TNIK: variants seen among roughly 807,000 people sequenced by gnomAD.
TNIK encodes TRAF2 and NCK interacting kinase.
TNIK carries 49 observed loss-of-function variants against 191.3 expected under a neutral mutation model. The observed-to-expected ratio is 0.26, with a 90% CI of 0.20 to 0.32. The LOEUF is 0.32. Among genes scored for constraint, TNIK ranks in the 10% least tolerant of loss-of-function variants. The pLI is 1.00. For synonymous variants in TNIK, 594 were observed against 600.9 expected, an observed-to-expected ratio of 0.99 and a Z score of 0.17; for missense variants, 1,155 against 1,702.3, an observed-to-expected ratio of 0.68 and a Z score of 5.66.
chr3:171,285,757 T>C (rs536216814), intron 2 of TNIK, among the ~76,000 whole-genome samples: 2 of 152,392 alleles, frequency 1.3e-5, no homozygotes, highest in African/African-American at 4.8e-5. Context: ...CAACTCTGGC[T>C]GTATATTACA....
At chr3:171,333,413 C>T (rs137863490) in intron 2 of TNIK, among the ~76,000 whole-genome samples, 11 of 151,570 alleles carry the variant, frequency 7.3e-5, no homozygotes, top group Non-Finnish European at 1.2e-4. Context: ...AAAAATTAGC[C>T]GGACGTGGTG....
Position 171,059,818 on chromosome 3 carries a change from T to C in TNIK, c.*4063A>G, listed in dbSNP as rs570638344. On this transcript the variant is annotated 3_prime_UTR_variant, in exon 33 of 33. Coordinates refer to ENST00000436636, the MANE Select transcript of TNIK (RefSeq NM_015028.4). ...GGTTGGTTGGTTATGTTTTGCTTGA[T>C]TTGGTTAGATTTAAATTTTGAAGAA... is the stretch of plus-strand genomic sequence containing the variant. 1.3e-3 allele frequency among the ~76,000 whole-genome samples: 193 copies of C among 152,266 alleles called. 1 individual carries two copies. Among genetic ancestry groups the C allele is most frequent in the African/African-American group, 4.4e-3 (182 of 41,546 alleles).
intron 16 of TNIK, among the ~76,000 whole-genome samples, chr3:171,128,176 T>C (rs1411216851): frequency 2.0e-5 from 3 of 152,168 alleles, no homozygotes; most frequent in Non-Finnish European, 2.9e-5. Context: ...TGCTGATCAG[T>C]TGGTCTGAAG....
chr3:171,388,409 T>C (rs1187479161), intron 1 of TNIK, among the ~76,000 whole-genome samples: 1 of 152,248 alleles, frequency 6.6e-6, no homozygotes, highest in Non-Finnish European at 1.5e-5. Context: ...AACTTACATA[T>C]TTTTAAAATT....
chr3:171,307,006 C>T (rs1753522389), intron 2 of TNIK, among the ~76,000 whole-genome samples: 2 of 152,126 alleles, frequency 1.3e-5, no homozygotes, highest in Admixed American at 6.6e-5. Context: ...GGCTTGTCTA[C>T]TGTGCATCTT....
intron 2 of TNIK, among the ~76,000 whole-genome samples, chr3:171,315,918 G>C (rs1399732719): frequency 6.6e-6 from 1 of 152,086 alleles, no homozygotes; most frequent in African/African-American, 2.4e-5. Flanking sequence ...CAGGTACTGG[G>C]TATTAGGACT....
chr3:171,209,741 GA>G (rs548573758), intron 4 of TNIK, among the ~76,000 whole-genome samples: 35 of 149,150 alleles, frequency 2.3e-4, no homozygotes, highest in African/African-American at 5.1e-4. Flanking sequence ...GAGCCTTATG[GA>G]AAAAAAAAAT....
chr3:171,069,151 C>T (rs1718863628), intron 29 of TNIK, among the ~76,000 whole-genome samples, 154 bp from the exon 30 acceptor site: 1 of 152,146 alleles, frequency 6.6e-6, no homozygotes, highest in Non-Finnish European at 1.5e-5. Flanking sequence ...GATATTCTGG[C>T]CCTAGGAGGA....
At chr3:171,104,621 GCT>G (rs916383633) in intron 21 of TNIK, among the ~76,000 whole-genome samples, 1 of 151,906 alleles carries the variant, frequency 6.6e-6, no homozygotes, top group Non-Finnish European at 1.5e-5. Context: ...CTAAAAAGGC[GCT>G]CTTTTAGGTC....
At position 171,118,397 on chromosome 3, in the gene TNIK, C is replaced by G. The variant is rs1013325854; in HGVS notation, c.2120+5199G>C. On this transcript the variant is annotated intron_variant, in intron 18 of 32. Transcript: ENST00000436636. ...TTTATAGATTCAATGCCATCCCCATCAAGCTACCAATGACTTTCTTCACAG... is the reference window on the plus strand; with the variant it reads ...TTTATAGATTCAATGCCATCCCCATGAAGCTACCAATGACTTTCTTCACAG... Among the ~76,000 whole-genome samples, 30 of 152,316 alleles carry G rather than the reference C, an allele frequency of 2.0e-4. 1 individual carries two copies. Among genetic ancestry groups the G allele is most frequent in the African/African-American group, 6.7e-4 (28 of 41,574 alleles).
rs143824815 is a variant in TNIK, at chr3:171,097,385, T to C, written c.2592-3417A>G. Reference sequence around the variant, plus strand: ...CAGGTTAACAAATTTGATACTACTATACAAAAATACTGGATGTGCACAATT... The same window carrying C: ...CAGGTTAACAAATTTGATACTACTACACAAAAATACTGGATGTGCACAATT... On this transcript the variant is annotated intron_variant, in intron 22 of 32. Coordinates refer to ENST00000436636, the MANE Select transcript of TNIK (RefSeq NM_015028.4). Among the ~76,000 whole-genome samples, 646 of 152,318 alleles carry C rather than the reference T, an allele frequency of 4.2e-3. 3 individuals are homozygous for C. Among genetic ancestry groups the C allele is most frequent in the Non-Finnish European group, 6.7e-3 (456 of 68,024 alleles).
At chr3:171,338,662 T>G (rs1187933773) in intron 2 of TNIK, among the ~76,000 whole-genome samples, 1 of 149,328 alleles carries the variant, frequency 6.7e-6, no homozygotes. Flanking sequence ...CTAAGTTGTT[T>G]TTTTTTTTTT....
intron 15 of TNIK, 25 bp downstream of exon 15, chr3:171,138,166 G>T: frequency 6.5e-7 from 1 of 1,542,898 alleles, no homozygotes; most frequent in Non-Finnish European, 8.7e-7. Flanking sequence ...TGGCCAACAG[G>T]GTGAGGCTAC....
rs1712563089 is a variant in TNIK at position 171,348,153 on chromosome 3, C to A, written c.123+21467G>T. On this transcript the variant is annotated intron_variant, in intron 2 of 32. Transcript: ENST00000436636. ...AAGTTTAAAAGGAAAAAAAGAAAAG[C>A]TTTTCTACTTTAACATGCCTCATGC... Among the ~76,000 whole-genome samples, 3 of 152,152 alleles carry A rather than the reference C, an allele frequency of 2.0e-5. No homozygotes were observed. In the South Asian group the frequency reaches 6.2e-4, roughly 32 times the overall value.
At position 171,128,868 on chromosome 3, in the gene TNIK, C is replaced by G; in HGVS notation, c.1619G>C (p.Arg540Pro). ...KPAWAKEVEE[R>P]SRLNRQSSPA... ...GGAACTTTGCCGGTTGAGCCTTGAC[C>G]GTTCTTCTACCTACAACCCAAAAAA... Residue 540 changes from arginine (R) to proline (P), a missense_variant, in exon 16 of 33, where the codon CGG becomes CCG. By Grantham distance (103) the Arg-to-Pro change is moderately radical. This residue lies in a region of TNIK where 735 missense variants were observed against 848.0 expected (regional missense o/e 0.87). Coordinates refer to ENST00000436636, the MANE Select transcript of TNIK (RefSeq NM_015028.4). 6.7e-7 allele frequency: 1 copy of G among 1,499,002 alleles called. No homozygotes were observed. The highest frequency in any genetic ancestry group is 9.0e-7 in the Non-Finnish European group (1 of 1,116,606). 92.9% of individuals were successfully genotyped at this position (1,499,002 alleles called of 1,614,324 possible). A position where few individuals can be genotyped will look rare whatever the true frequency, so the allele number is the denominator to read the frequency against.
At chr3:171,125,059 T>C (rs1728286147) in intron 17 of TNIK, among the ~76,000 whole-genome samples, 1 of 152,228 alleles carries the variant, frequency 6.6e-6, no homozygotes, top group Non-Finnish European at 1.5e-5. Flanking sequence ...TGAGGAAATG[T>C]ATTTGTAATT....
At chr3:171,357,807 AAC>A (rs1216302769) in intron 2 of TNIK, among the ~76,000 whole-genome samples, 1 of 152,130 alleles carries the variant, frequency 6.6e-6, no homozygotes, top group Non-Finnish European at 1.5e-5. Flanking sequence ...AGCACGGATA[AAC>A]AGACACCGTG....
At chr3:171,235,894 T>C (rs1159311953) in intron 2 of TNIK, among the ~76,000 whole-genome samples, 1 of 152,122 alleles carries the variant, frequency 6.6e-6, no homozygotes, top group African/African-American at 2.4e-5. Context: ...AAAAAGGTTC[T>C]TGATGCAACC....
chr3:171,162,138 G>A (rs1011167940), intron 10 of TNIK, among the ~76,000 whole-genome samples: 3 of 150,942 alleles, frequency 2.0e-5, no homozygotes, highest in African/African-American at 7.3e-5. Flanking sequence ...AAAATATATA[G>A]TGGCCGGGTG....
Sources: gnomAD v4.1 joint callset for allele counts (sites outside exome capture counted in the v4.1 genomes callset) on GRCh38, gnomAD v4.1.1 for gene constraint, gnomAD v4.1.1 regional missense constraint, MANE v1.5 for transcripts, NCBI Gene and HGNC (gene_info 2026-07-23, HGNC 2026-07-21) for gene names.